Variants in PPP1R9A observed in about 807,000 individuals in gnomAD.
The protein encoded by PPP1R9A is protein phosphatase 1 regulatory subunit 9A.
PPP1R9A carries 59 observed loss-of-function variants against 141.9 expected under a neutral mutation model. The observed-to-expected ratio is 0.42, with a 90% CI of 0.34 to 0.52. The LOEUF (loss-of-function observed/expected upper bound fraction) is 0.52. Ranked by LOEUF, PPP1R9A falls within the 20% of genes least tolerant of loss-of-function variation. The probability of loss-of-function intolerance (pLI) is 0.10; values close to 1 mark genes in which losing one functional copy is unlikely to be tolerated. For synonymous variants in PPP1R9A, 500 were observed against 569.7 expected (o/e 0.88, Z 1.74); for missense variants, 1,444 against 1,611.9 (o/e 0.90, Z 1.78).
At chr7:95,193,416 C>A (rs918188431) in intron 5 of PPP1R9A, among the ~76,000 whole-genome samples, 2 of 151,868 alleles carry the variant, frequency 1.3e-5, no homozygotes, top group African/African-American at 4.8e-5. Flanking sequence ...GGACAAATAG[C>A]AAATTATGTT....
chr7:95,111,350 G>T lies in PPP1R9A; in HGVS notation c.1487G>T (p.Arg496Leu), dbSNP rs201822608. The T allele has an allele frequency of 6.2e-7, 1 of 1,613,696 alleles. No individual in the cohort carries two copies. Among genetic ancestry groups the T allele is most frequent in the Non-Finnish European group, 8.5e-7 (1 of 1,179,736 alleles). ...TCAGCTGAGTATGAACTTGAAAAAC[G>T]TGTAGAAAAGCTGGAACTTTTCCCA... ...AASAEYELEK[R>L]VEKLELFPVE... is the part of the protein sequence containing the mutation. Residue 496 changes from arginine to leucine, a missense_variant, in exon 3 of 20, where the codon CGT becomes CTT. Arg to Leu is a moderately radical substitution (Grantham distance 102, BLOSUM62 -2). This residue lies in a region of PPP1R9A where 488 missense variants were observed against 542.0 expected (regional missense o/e 0.90). Transcript: ENST00000433360.
At chr7:95,068,647 G>T (rs931518369) in intron 2 of PPP1R9A, among the ~76,000 whole-genome samples, 1 of 152,068 alleles carries the variant, frequency 6.6e-6, no homozygotes, top group African/African-American at 2.4e-5. Flanking sequence ...CCAAACTCAG[G>T]TCTCTGGCTT....
chr7:95,059,599 A>G lies in PPP1R9A; in HGVS notation c.1396-51660A>G, dbSNP rs1229885391. 2.6e-5 allele frequency among the ~76,000 whole-genome samples: 4 copies of G among 152,232 alleles called. No individual in the cohort carries two copies. In the East Asian group the frequency reaches 5.8e-4, roughly 22 times the overall value. ...AGCATGAAAGGTAGTCCTAAAGTTC[A>G]TATTTTATTACTTCATTTTTCTGTA... On this transcript the variant is annotated intron_variant, in intron 2 of 19. Transcript: ENST00000433360.
At chr7:95,214,344 C>T (rs892574776) in intron 7 of PPP1R9A, 1 of 152,254 alleles carries the variant, frequency 6.6e-6, no homozygotes, top group African/African-American at 2.4e-5. Flanking sequence ...AGAAGACCCA[C>T]TTCCAGGCTC....
In PPP1R9A at chr7:95,120,797, A is replaced by G; in HGVS notation, c.1614A>G (p.Thr538=). The stretch of plus-strand genomic sequence containing the variant: ...AAAAGCTGGGAATATTCGTCAAGAC[A>G]GTAACAGAAGGTGGTGCTGCTCAAC... ...GLEKLGIFVK[T]VTEGGAAQRD... Residue 538 remains threonine (T), a synonymous_variant, in exon 4 of 20, where the codon ACA becomes ACG. Coordinates refer to ENST00000433360, the MANE Select transcript of PPP1R9A (RefSeq NM_001166160.2). 6.2e-7 allele frequency: 1 copy of G among 1,614,058 alleles called. No individual in the cohort carries two copies. Among genetic ancestry groups the G allele is most frequent in the Non-Finnish European group, 8.5e-7 (1 of 1,179,946 alleles).
chr7:95,204,814 TCACACACAC>T (rs1475903101), intron 7 of PPP1R9A, among the ~76,000 whole-genome samples: 1 of 82,542 alleles, frequency 1.2e-5, no homozygotes, highest in Non-Finnish European at 2.4e-5. Context: ...CACACACACA[TCACACACAC>T]CACACATACC....
chr7:95,152,059 C>G (rs533087884), intron 4 of PPP1R9A, among the ~76,000 whole-genome samples: 1 of 141,110 alleles, frequency 7.1e-6, no homozygotes, highest in East Asian at 2.3e-4. Flanking sequence ...TCAAGCAATT[C>G]TCCTGCCTCA....
intron 7 of PPP1R9A, among the ~76,000 whole-genome samples, chr7:95,215,049 G>A (rs966929887): frequency 6.6e-6 from 1 of 151,726 alleles, no homozygotes; most frequent in Non-Finnish European, 1.5e-5. Flanking sequence ...GTATACATGT[G>A]CCATGTTGGT....
chr7:94,977,764 C>CTT (rs370362125), intron 2 of PPP1R9A, among the ~76,000 whole-genome samples: 16 of 131,346 alleles, frequency 1.2e-4, no homozygotes, highest in Non-Finnish European at 1.8e-4. Context: ...TTTTCATTTT[C>CTT]TTTTTTTTTT....
At chr7:94,973,721 C>CT (rs200492667) in intron 2 of PPP1R9A, among the ~76,000 whole-genome samples, 3,954 of 137,108 alleles carry the variant, frequency 0.029, 184 homozygotes, top group African/African-American at 0.092. Context: ...TTCTTTCTTT[C>CT]TTTTTTTTTT....
intron 2 of PPP1R9A, among the ~76,000 whole-genome samples, chr7:95,043,029 T>C (rs6975941): frequency 0.64 from 98,031 of 152,076 alleles, 32,081 homozygotes; most frequent in African/African-American, 0.75. Context: ...AAGATACATA[T>C]GGAAAATTTG....
chr7:94,955,800 T>G (rs939468754), intron 2 of PPP1R9A, among the ~76,000 whole-genome samples: 1 of 152,288 alleles, frequency 6.6e-6, no homozygotes, highest in South Asian at 2.1e-4. Flanking sequence ...CCTCATTTTC[T>G]GTGTCAGTCT....
chr7:94,999,075 C>T (rs1802541362), intron 2 of PPP1R9A, among the ~76,000 whole-genome samples: 1 of 152,124 alleles, frequency 6.6e-6, no homozygotes, highest in East Asian at 1.9e-4. Flanking sequence ...CCTTATTCCT[C>T]TTCAATTGTT....
chr7:95,166,407 A>G (rs1055467645), intron 5 of PPP1R9A, among the ~76,000 whole-genome samples: 1 of 152,188 alleles, frequency 6.6e-6, no homozygotes, highest in African/African-American at 2.4e-5. Context: ...TAGAAAACTT[A>G]GACAAACTGG....
intron 2 of PPP1R9A, among the ~76,000 whole-genome samples, chr7:95,059,915 ACT>A (rs1811996280): frequency 6.6e-6 from 1 of 152,040 alleles, no homozygotes; most frequent in African/African-American, 2.4e-5. Flanking sequence ...AACATCAAGG[ACT>A]CTGAAAAATG....
chr7:95,122,419 T>G (rs1275882796), intron 4 of PPP1R9A, among the ~76,000 whole-genome samples: 1 of 152,080 alleles, frequency 6.6e-6, no homozygotes, highest in Non-Finnish European at 1.5e-5. Flanking sequence ...AGTGCTAGGA[T>G]TACGGGTGTG....
At chr7:95,028,689 G>A (rs1291015571) in intron 2 of PPP1R9A, among the ~76,000 whole-genome samples, 1 of 152,136 alleles carries the variant, frequency 6.6e-6, no homozygotes, top group African/African-American at 2.4e-5. Flanking sequence ...CTTAGAATGT[G>A]CATATGTTTT....
intron 2 of PPP1R9A, among the ~76,000 whole-genome samples, chr7:94,961,197 AC>A (rs1007997387): frequency 6.6e-6 from 1 of 151,690 alleles, no homozygotes; most frequent in African/African-American, 2.4e-5. Context: ...AATAAAAAAA[AC>A]AAAACTTATA....
chr7:95,009,430 A>G (rs1188356925), intron 2 of PPP1R9A, among the ~76,000 whole-genome samples: 1 of 152,204 alleles, frequency 6.6e-6, no homozygotes, highest in Non-Finnish European at 1.5e-5. Context: ...TTCGCCATCA[A>G]GATGTGGCGG....
Sources: allele counts gnomAD v4.1 joint callset (sites outside exome capture counted in the v4.1 genomes callset), GRCh38; gene constraint gnomAD v4.1.1; regional missense constraint gnomAD v4.1.1; transcripts MANE v1.5; gene names NCBI Gene and HGNC (gene_info 2026-07-23, HGNC 2026-07-21).